NEK1: variants seen among roughly 807,000 people sequenced by gnomAD.
NEK1 encodes the protein serine/threonine-protein kinase Nek1.
In NEK1, 137 loss-of-function variants were observed where a neutral mutation model predicts 182.1. The observed-to-expected ratio is 0.75, with a 90% CI of 0.65 to 0.87. NEK1 has a LOEUF of 0.87. Among genes scored for constraint, NEK1 ranks in the 40% least tolerant of loss-of-function variants. The probability of loss-of-function intolerance (pLI) is 0.00; values close to 1 mark genes in which losing one functional copy is unlikely to be tolerated. For missense variants in NEK1, 1,391 were observed against 1,494.4 expected (o/e 0.93, Z 1.14); for synonymous variants, 513 against 492.2 (o/e 1.04, Z -0.56).
At chr4:169,508,974 A>T in intron 19 of NEK1, 122 bp from the exon 20 acceptor site, 1 of 702,084 alleles carries the variant, frequency 1.4e-6, no homozygotes, top group Non-Finnish European at 2.3e-6. Context: ...TTGATGATAA[A>T]CTGTGATAAC....
rs548158776 is a variant in NEK1, at chr4:169,565,674, A to C, written c.1021-3478T>G. Among the ~76,000 whole-genome samples the C allele has an allele frequency of 4.6e-5, 7 of 152,328 alleles. No individual in the cohort carries two copies. In the East Asian group the frequency reaches 1.3e-3, roughly 29 times the overall value. The stretch of plus-strand genomic sequence containing the variant: ...AACATAGATCAACTGTGAAAACATT[A>C]TGCTGAGTTAAAGCAGCCAGTCACA... On this transcript the variant is annotated intron_variant, in intron 12 of 35. Coordinates refer to ENST00000507142, the MANE Select transcript of NEK1 (RefSeq NM_001199397.3).
intron 27 of NEK1, among the ~76,000 whole-genome samples, chr4:169,453,346 C>A (rs1344229850): frequency 1.3e-5 from 2 of 152,216 alleles, no homozygotes; most frequent in African/African-American, 4.8e-5. Context: ...AAAGAGCCCA[C>A]ATTGCCAAGA....
chr4:169,479,751 T>A (rs921569108), intron 23 of NEK1, among the ~76,000 whole-genome samples: 2 of 152,144 alleles, frequency 1.3e-5, no homozygotes, highest in African/African-American at 2.4e-5. Context: ...CATAGTCATG[T>A]CACATAGTCC....
chr4:169,524,416 G>A (rs10024319), intron 19 of NEK1, among the ~76,000 whole-genome samples: 13,108 of 147,058 alleles, frequency 0.089, 746 homozygotes, highest in African/African-American at 0.17. Context: ...AGCCAAGATC[G>A]TGCCATAGCA....
At chr4:169,569,467 C>CCTCCCTCCCTCT (rs1764280813) in intron 12 of NEK1, among the ~76,000 whole-genome samples, 3 of 118,220 alleles carry the variant, frequency 2.5e-5, no homozygotes, top group Non-Finnish European at 5.0e-5. Flanking sequence ...TCTCTCCCTC[C>CCTCCCTCCCTCT]CTCCCTCTCT....
At chr4:169,400,898 A>G (rs1579295731) in intron 33 of NEK1, among the ~76,000 whole-genome samples, 2 of 149,154 alleles carry the variant, frequency 1.3e-5, no homozygotes, top group African/African-American at 4.9e-5. Context: ...GAATCAAAAC[A>G]CTCCTAGAGA....
chr4:169,577,205 AT>A, intron 11 of NEK1, 126 bp from the exon 12 acceptor site: 1 of 912,348 alleles, frequency 1.1e-6, no homozygotes, highest in Non-Finnish European at 1.6e-6. Context: ...TTTCTATCAA[AT>A]ATCTTAATTC....
chr4:169,591,068 C>A (rs1462530329), intron 5 of NEK1, among the ~76,000 whole-genome samples: 1 of 151,810 alleles, frequency 6.6e-6, no homozygotes, highest in Non-Finnish European at 1.5e-5. Context: ...AGTGAAAATG[C>A]AAATAATTTA....
rs777616611 is a variant in NEK1, at chr4:169,507,751, C to A, written c.1875G>T (p.Glu625Asp). 19 of 1,613,094 alleles carry A rather than the reference C, an allele frequency of 1.2e-5. No homozygotes were observed. Among genetic ancestry groups the A allele is most frequent in the Non-Finnish European group, 1.5e-5 (18 of 1,179,488 alleles). The change falls in exon 22 of 36, where the codon GAG (glutamate) becomes GAT (aspartate). Residue 625 changes from glutamate (E) to aspartate (D), a missense_variant. Coordinates refer to ENST00000507142, the MANE Select transcript of NEK1 (RefSeq NM_001199397.3). ...NHSEGQEGSE[E>D]ADMRRKKIES... The stretch of plus-strand genomic sequence containing the variant: ...CGATTTTTTTGCGCCTCATGTCAGC[C>A]TCTTCACTTCCTTCTTGTCCTTCAG...
At chr4:169,543,445 C>T (rs146203694) in intron 18 of NEK1, among the ~76,000 whole-genome samples, 10,869 of 152,162 alleles carry the variant, frequency 0.071, 1,271 homozygotes, top group African/African-American at 0.25. Context: ...GTTCTTCTTG[C>T]TTAGGATTGT....
At chr4:169,503,658 G>T (rs1046005685) in intron 23 of NEK1, among the ~76,000 whole-genome samples, 7 of 152,134 alleles carry the variant, frequency 4.6e-5, no homozygotes, top group Non-Finnish European at 7.4e-5. Context: ...GGGAAAACTG[G>T]ATATCCATAT....
At chr4:169,436,501 T>C (rs1470193040) in intron 28 of NEK1, among the ~76,000 whole-genome samples, 1 of 152,166 alleles carries the variant, frequency 6.6e-6, no homozygotes, top group Non-Finnish European at 1.5e-5. Context: ...ATGGATCCAG[T>C]GGTCTAGCTA....
At chr4:169,579,225 T>C (rs2150044535) in intron 11 of NEK1, among the ~76,000 whole-genome samples, 1 of 152,360 alleles carries the variant, frequency 6.6e-6, no homozygotes, top group South Asian at 2.1e-4. Flanking sequence ...TCAGTAATAC[T>C]ACTCCTATTA....
chr4:169,496,749 G>A (rs1390296293), intron 23 of NEK1, among the ~76,000 whole-genome samples: 19 of 151,948 alleles, frequency 1.3e-4, no homozygotes, highest in Non-Finnish European at 2.4e-4. Context: ...TCCCAGGGAT[G>A]AAGCCCACTT....
chr4:169,496,531 G>T (rs1278113070), intron 23 of NEK1, among the ~76,000 whole-genome samples: 1 of 151,496 alleles, frequency 6.6e-6, no homozygotes, highest in Non-Finnish European at 1.5e-5. Context: ...TGTGATATTG[G>T]CTGTGGGTTT....
At chr4:169,425,263 C>T (rs926046914) in intron 30 of NEK1, among the ~76,000 whole-genome samples, 1 of 151,982 alleles carries the variant, frequency 6.6e-6, no homozygotes, top group Admixed American at 6.6e-5. Flanking sequence ...TACGTCTCCA[C>T]AAAAAATAAA....
intron 5 of NEK1, among the ~76,000 whole-genome samples, chr4:169,597,962 AAAT>A (rs1056177688): frequency 4.6e-5 from 7 of 151,732 alleles, no homozygotes; most frequent in Admixed American, 2.6e-4. Flanking sequence ...AAAAATAAAT[AAAT>A]AATAATAATA....
intron 19 of NEK1, among the ~76,000 whole-genome samples, chr4:169,536,098 C>G (rs1291476189): frequency 1.3e-5 from 2 of 151,556 alleles, no homozygotes; most frequent in Non-Finnish European, 2.9e-5. Flanking sequence ...AGTTCAAGAC[C>G]AGCCTGGCCA....
At chr4:169,400,119 A>G in intron 35 of NEK1, 106 bp downstream of exon 35, 1 of 1,085,134 alleles carries the variant, frequency 9.2e-7, no homozygotes, top group Non-Finnish European at 1.4e-6. Flanking sequence ...ATAGTTCCCA[A>G]GTAGATTTCA....
Sources: allele counts gnomAD v4.1 joint callset (sites outside exome capture counted in the v4.1 genomes callset), GRCh38; gene constraint gnomAD v4.1.1; transcripts MANE v1.5; gene names NCBI Gene and HGNC (gene_info 2026-07-23, HGNC 2026-07-21).